The following MAGI2 variants were observed in gnomAD, a reference collection of about 807,000 sequenced individuals.
MAGI2 encodes the protein membrane associated guanylate kinase, WW and PDZ domain containing 2.
In MAGI2, 35 loss-of-function variants were observed where a neutral mutation model predicts 133.3. That is an observed-to-expected ratio of 0.26 (90% CI 0.20 to 0.35). The LOEUF (loss-of-function observed/expected upper bound fraction) is 0.35. MAGI2 is among the 10% of genes least tolerant of loss of function. The pLI, the probability that MAGI2 is intolerant of heterozygous loss-of-function variation, is 1.00. For synonymous variants in MAGI2, 729 were observed against 710.6 expected (o/e 1.03, Z -0.41); for missense variants, 1,636 against 1,863.4 (o/e 0.88, Z 2.25).
intron 20 of MAGI2, among the ~76,000 whole-genome samples, chr7:78,095,784 C>G (rs1292913130): frequency 3.3e-5 from 5 of 152,200 alleles, no homozygotes; most frequent in Non-Finnish European, 7.3e-5. Context: ...TGGTGACTCT[C>G]TAAATAAAAT....
At chr7:78,599,225 T>A (rs1165287585) in intron 3 of MAGI2, among the ~76,000 whole-genome samples, 1 of 152,170 alleles carries the variant, frequency 6.6e-6, no homozygotes, top group Non-Finnish European at 1.5e-5. Context: ...ATTTCCTACC[T>A]TTTCATTACC....
chr7:79,068,570 T>A (rs1814616778), intron 1 of MAGI2, among the ~76,000 whole-genome samples: 1 of 152,218 alleles, frequency 6.6e-6, no homozygotes, highest in Admixed American at 6.5e-5. Flanking sequence ...TTGAAGGGTT[T>A]TTTGTGTGTG....
chr7:78,800,824 T>C (rs1330941940), intron 2 of MAGI2, among the ~76,000 whole-genome samples: 8 of 152,058 alleles, frequency 5.3e-5, no homozygotes, highest in African/African-American at 1.9e-4. Context: ...ATGGCAGGAA[T>C]TTGTAAGATG....
At chr7:78,338,122 A>G (rs1011894120) in intron 9 of MAGI2, among the ~76,000 whole-genome samples, 2 of 152,220 alleles carry the variant, frequency 1.3e-5, no homozygotes, top group African/African-American at 2.4e-5. Context: ...ATTTGAGGAT[A>G]TATGACTCTA....
At chr7:78,598,862 G>C (rs566451508) in intron 3 of MAGI2, among the ~76,000 whole-genome samples, 1 of 152,224 alleles carries the variant, frequency 6.6e-6, no homozygotes, top group African/African-American at 2.4e-5. Context: ...ATGGAGACAG[G>C]TAAGTATCCC....
chr7:78,185,713 G>C (rs1357966721), intron 12 of MAGI2, 43 bp from the exon 13 acceptor site: 4 of 1,461,602 alleles, frequency 2.7e-6, no homozygotes, highest in Non-Finnish European at 3.8e-6. Flanking sequence ...TTCATTTATG[G>C]CATTTTAAAA....
At chr7:78,083,386 GGGAGAGAGAGAGAGAGA>G (rs1816228662) in intron 20 of MAGI2, among the ~76,000 whole-genome samples, 1 of 51,032 alleles carries the variant, frequency 2.0e-5, no homozygotes, top group Non-Finnish European at 4.1e-5. Context: ...GAGGGAGGGG[GGGAGAGAGAGAGAGAGA>G]GAGAGAGAGA....
At chr7:78,458,294 C>CAAAAAAAAAAAAAAAAAAAAAAAAAA (rs11380893) in intron 6 of MAGI2, among the ~76,000 whole-genome samples, 1 of 113,098 alleles carries the variant, frequency 8.8e-6, no homozygotes, top group Non-Finnish European at 1.7e-5. Context: ...AACTCGGTCT[C>CAAAAAAAAAAAAAAAAAAAAAAAAAA]AAAAAAAAAA....
At chr7:78,537,174 C>CAA (rs1798027279) in intron 3 of MAGI2, among the ~76,000 whole-genome samples, 1 of 98,154 alleles carries the variant, frequency 1.0e-5, no homozygotes, top group Non-Finnish European at 2.4e-5. Context: ...TTCCACTACA[C>CAA]ACACACACAC....
At chr7:78,358,885 A>C (rs1348574516) in intron 7 of MAGI2, 1 of 156,332 alleles carries the variant, frequency 6.4e-6, no homozygotes, top group African/African-American at 2.4e-5. Context: ...AGACCAGAAA[A>C]GACTGTTTAT....
At chr7:79,122,616 GAAAC>G (rs1820004245) in intron 1 of MAGI2, among the ~76,000 whole-genome samples, 2 of 151,748 alleles carry the variant, frequency 1.3e-5, no homozygotes, top group African/African-American at 4.8e-5. Flanking sequence ...TTTCTAGTGA[GAAAC>G]AAAATTATTA....
chr7:78,196,542 G>A (rs893895320), intron 11 of MAGI2, among the ~76,000 whole-genome samples: 5 of 152,192 alleles, frequency 3.3e-5, no homozygotes, highest in Non-Finnish European at 7.4e-5. Flanking sequence ...TATTTTTGTC[G>A]GGGCTCTGAT....
At chr7:78,846,568 A>G (rs1792628841) in intron 2 of MAGI2, among the ~76,000 whole-genome samples, 1 of 152,010 alleles carries the variant, frequency 6.6e-6, no homozygotes, top group Non-Finnish European at 1.5e-5. Context: ...AACAAGGTAA[A>G]AAGCACTTCA....
At chr7:78,525,901 G>A (rs6955147) in intron 3 of MAGI2, among the ~76,000 whole-genome samples, 29,096 of 152,056 alleles carry the variant, frequency 0.19, 3,519 homozygotes, top group African/African-American at 0.34. Context: ...GGGGAGTAGA[G>A]TAACTCTTTC....
intron 2 of MAGI2, among the ~76,000 whole-genome samples, chr7:78,824,905 T>C (rs920436837): frequency 6.6e-6 from 1 of 152,194 alleles, no homozygotes; most frequent in Non-Finnish European, 1.5e-5. Flanking sequence ...AATGAGATCA[T>C]GTCCTTTGAA....
chr7:78,481,366 T>C (rs1364334845), intron 6 of MAGI2, among the ~76,000 whole-genome samples: 2 of 151,912 alleles, frequency 1.3e-5, no homozygotes, highest in Admixed American at 1.3e-4. Context: ...ATTAGATCTG[T>C]GAGAATTAAC....
At chr7:79,026,651 T>C (rs1288420856) in intron 1 of MAGI2, among the ~76,000 whole-genome samples, 2 of 151,992 alleles carry the variant, frequency 1.3e-5, no homozygotes, top group African/African-American at 2.4e-5. Context: ...GGCGAGCAGA[T>C]TGCCTGAGCT....
intron 3 of MAGI2, chr7:78,621,292 C>T (rs1051170716): frequency 2.0e-5 from 3 of 151,952 alleles, no homozygotes; most frequent in Admixed American, 2.0e-4. Context: ...GAAGTCAACA[C>T]CTTCAGTCCT....
chr7:78,686,160 C>G (rs373851412), intron 2 of MAGI2, among the ~76,000 whole-genome samples: 34 of 151,442 alleles, frequency 2.2e-4, no homozygotes, highest in African/African-American at 8.2e-4. Flanking sequence ...GGGGAAAAAA[C>G]AACAATGAGG....
Sources: gnomAD v4.1 joint callset for allele counts (sites outside exome capture counted in the v4.1 genomes callset) on GRCh38, gnomAD v4.1.1 for gene constraint, MANE v1.5 for transcripts, NCBI Gene and HGNC (gene_info 2026-07-23, HGNC 2026-07-21) for gene names.